CAPZA1: variants seen among roughly 807,000 people sequenced by gnomAD.
CAPZA1 encodes the protein F-actin-capping protein subunit alpha-1.
CAPZA1 carries 10 observed loss-of-function variants against 40.8 expected under a neutral mutation model. The ratio of observed to expected loss-of-function variants is 0.25; its 90% confidence interval spans 0.15 to 0.42. The LOEUF is 0.42. CAPZA1 is among the 10% of genes least tolerant of loss of function. CAPZA1 has a pLI of 1.00. For missense variants in CAPZA1, 277 were observed against 353.8 expected (o/e 0.78, Z 1.74); for synonymous variants, 98 against 115.0 (o/e 0.85, Z 0.95).
intron 1 of CAPZA1, among the ~76,000 whole-genome samples, chr1:112,637,888 C>G (rs925244788): frequency 6.6e-6 from 1 of 152,174 alleles, no homozygotes; most frequent in Non-Finnish European, 1.5e-5. Flanking sequence ...TTTATTGGAA[C>G]ACAACCATGC....
At chr1:112,620,901 C>T (rs1670624270) in intron 1 of CAPZA1, 1 of 152,188 alleles carries the variant, frequency 6.6e-6, no homozygotes, top group South Asian at 2.1e-4. Flanking sequence ...CACAAGGCAA[C>T]TTATTGGACA....
intron 1 of CAPZA1, among the ~76,000 whole-genome samples, chr1:112,641,033 T>C (rs974046993): frequency 3.9e-5 from 6 of 152,084 alleles, no homozygotes; most frequent in African/African-American, 1.4e-4. Context: ...GCATGCTCAT[T>C]AAGAGTCATC....
chr1:112,670,221 A>T lies in CAPZA1; in HGVS notation c.*89A>T. On this transcript the variant is annotated 3_prime_UTR_variant, in exon 10 of 10. Coordinates refer to ENST00000263168, the MANE Select transcript of CAPZA1 (RefSeq NM_006135.3). ...AATAAGTGATTTATAAACAAGAGTG[A>T]TATTTTGCTAGGGCTTTCAAAGTTA... 2.7e-6 allele frequency: 4 copies of T among 1,490,962 alleles called. No individual in the cohort carries two copies. Among genetic ancestry groups the T allele is most frequent in the South Asian group, 1.2e-5 (1 of 82,992 alleles). 92.4% of individuals were successfully genotyped at this position (1,490,962 alleles called of 1,614,324 possible).
intron 1 of CAPZA1, among the ~76,000 whole-genome samples, chr1:112,642,318 A>G (rs555103671): frequency 6.8e-6 from 1 of 146,012 alleles, no homozygotes; most frequent in Non-Finnish European, 1.5e-5. Flanking sequence ...GGTTCAAGCA[A>G]TTCTCCTGCC....
chr1:112,642,020 AGT>A (rs1379070927), intron 1 of CAPZA1, among the ~76,000 whole-genome samples: 4 of 151,852 alleles, frequency 2.6e-5, no homozygotes, highest in African/African-American at 4.8e-5. Flanking sequence ...AACAGGAATT[AGT>A]GTGACAAGTC....
intron 3 of CAPZA1, among the ~76,000 whole-genome samples, chr1:112,652,568 G>A (rs796893041): frequency 2.6e-5 from 4 of 151,062 alleles, no homozygotes; most frequent in South Asian, 4.2e-4. Context: ...TTTAACCACT[G>A]CTTAAAACTA....
intron 1 of CAPZA1, among the ~76,000 whole-genome samples, chr1:112,622,139 A>G (rs1670689738): frequency 6.6e-6 from 1 of 151,944 alleles, no homozygotes; most frequent in Non-Finnish European, 1.5e-5. Flanking sequence ...GTATATTTTA[A>G]TATTGTTTTT....
At chr1:112,620,169 G>C (rs987734878) in intron 1 of CAPZA1, 5 of 340,242 alleles carry the variant, frequency 1.5e-5, no homozygotes, top group East Asian at 9.7e-5. Flanking sequence ...CGTGACTGTG[G>C]ACTTTTTTCT....
intron 5 of CAPZA1, 27 bp from the exon 6 acceptor site, chr1:112,658,993 CTT>C (rs755185915): frequency 9.2e-6 from 14 of 1,514,162 alleles, no homozygotes; most frequent in African/African-American, 4.1e-5. Context: ...TGTTTGGAGT[CTT>C]TAACTATTTT....
At chr1:112,635,426 T>C (rs764417878) in intron 1 of CAPZA1, among the ~76,000 whole-genome samples, 4 of 152,084 alleles carry the variant, frequency 2.6e-5, no homozygotes, top group African/African-American at 4.8e-5. Flanking sequence ...TGCTGATAAG[T>C]GGAATGTGGA....
intron 1 of CAPZA1, among the ~76,000 whole-genome samples, chr1:112,640,347 C>G (rs1159562915): frequency 8.6e-6 from 1 of 116,698 alleles, no homozygotes; most frequent in Admixed American, 9.0e-5. Flanking sequence ...GCCAGCCGCC[C>G]CGTCCGGGAG....
chr1:112,669,636 T>A, intron 9 of CAPZA1, 31 bp downstream of exon 9: 1 of 1,425,678 alleles, frequency 7.0e-7, no homozygotes, highest in Non-Finnish European at 9.9e-7. Flanking sequence ...TTTTCCTAGA[T>A]CTACTATCTT....
chr1:112,657,047 G>A (rs1215127322), intron 5 of CAPZA1, among the ~76,000 whole-genome samples: 2 of 151,834 alleles, frequency 1.3e-5, no homozygotes, highest in Non-Finnish European at 2.9e-5. Context: ...AATTACAGGC[G>A]CCTGCCACCA....
chr1:112,662,356 G>A (rs974260301), intron 7 of CAPZA1, among the ~76,000 whole-genome samples: 3 of 146,834 alleles, frequency 2.0e-5, no homozygotes, highest in Non-Finnish European at 4.5e-5. Context: ...AATAACATTA[G>A]TGTATTAGGT....
At chr1:112,625,297 G>A (rs1159441801) in intron 1 of CAPZA1, among the ~76,000 whole-genome samples, 1 of 151,746 alleles carries the variant, frequency 6.6e-6, no homozygotes, top group East Asian at 1.9e-4. Context: ...CCAAAATGAT[G>A]GTGTATATAT....
At chr1:112,624,058 A>G (rs1327050743) in intron 1 of CAPZA1, among the ~76,000 whole-genome samples, 1 of 151,794 alleles carries the variant, frequency 6.6e-6, no homozygotes, top group East Asian at 1.9e-4. Flanking sequence ...GGACAGGAGC[A>G]TAAAGCCTAA....
At chr1:112,658,389 C>T (rs575051765) in intron 5 of CAPZA1, among the ~76,000 whole-genome samples, 1 of 152,308 alleles carries the variant, frequency 6.6e-6, no homozygotes, top group Non-Finnish European at 1.5e-5. Context: ...TGTACTTCTA[C>T]ATTCTGTGTG....
chr1:112,642,538 T>C (rs1162023232), intron 1 of CAPZA1, among the ~76,000 whole-genome samples: 1 of 152,060 alleles, frequency 6.6e-6, no homozygotes, highest in African/African-American at 2.4e-5. Flanking sequence ...TTAATGTAGG[T>C]ATACAGAGTT....
intron 7 of CAPZA1, among the ~76,000 whole-genome samples, 183 bp downstream of exon 7, chr1:112,659,962 A>G (rs1671572351): frequency 1.3e-5 from 2 of 152,112 alleles, no homozygotes; most frequent in South Asian, 4.1e-4. Flanking sequence ...TTGATAAAGG[A>G]TAGCATGTAG....
Sources: gnomAD v4.1 joint callset for allele counts (sites outside exome capture counted in the v4.1 genomes callset) on GRCh38, gnomAD v4.1.1 for gene constraint, MANE v1.5 for transcripts, NCBI Gene and HGNC (gene_info 2026-07-23, HGNC 2026-07-21) for gene names.